Variants in ZFP64 observed in about 807,000 individuals in gnomAD.
ZFP64 encodes the protein ZFP64 zinc finger protein.
A neutral mutation model predicts 51.6 loss-of-function variants in ZFP64; 14 were observed. That is an observed-to-expected ratio of 0.27 (90% CI 0.18 to 0.42). The LOEUF is 0.42. Ranked by LOEUF, ZFP64 falls within the 10% of genes least tolerant of loss-of-function variation. The pLI is 1.00. For missense variants in ZFP64, 754 were observed against 906.8 expected (o/e 0.83, Z 2.16); for synonymous variants, 375 against 361.4 (o/e 1.04, Z -0.43).
chr20:52,171,999 G>A (rs546135696), intron 2 of ZFP64, among the ~76,000 whole-genome samples: 1 of 152,122 alleles, frequency 6.6e-6, no homozygotes, highest in Admixed American at 6.6e-5. Flanking sequence ...TGCCCGCCTC[G>A]GCCTCCCAAA....
At chr20:52,104,923 C>T (rs1978297843) in intron 5 of ZFP64, 2 of 670,002 alleles carry the variant, frequency 3.0e-6, no homozygotes, top group East Asian at 2.7e-5. Context: ...TAGAGGAATC[C>T]AGGCGGGGAA....
At chr20:52,091,978 G>A (rs746971720) in intron 7 of ZFP64, among the ~76,000 whole-genome samples, 56 of 151,872 alleles carry the variant, frequency 3.7e-4, no homozygotes, top group Non-Finnish European at 7.4e-5. Flanking sequence ...CAACAAGAGC[G>A]AAACTCCGTC....
At chr20:52,174,089 G>A (rs932355012) in intron 2 of ZFP64, among the ~76,000 whole-genome samples, 1 of 152,076 alleles carries the variant, frequency 6.6e-6, no homozygotes, top group African/African-American at 2.4e-5. Context: ...TTCCATTACT[G>A]TTCCCCCTGC....
intron 5 of ZFP64, among the ~76,000 whole-genome samples, chr20:52,138,332 A>G (rs1368766155): frequency 6.6e-6 from 1 of 152,162 alleles, no homozygotes; most frequent in African/African-American, 2.4e-5. Flanking sequence ...TAAATAGCAA[A>G]TATTAAATAA....
chr20:52,144,281 A>G (rs1284862070), intron 5 of ZFP64, among the ~76,000 whole-genome samples: 1 of 142,514 alleles, frequency 7.0e-6, no homozygotes, highest in Non-Finnish European at 1.6e-5. Context: ...GGAAAGAAGT[A>G]TTAAAATAAA....
At chr20:52,106,865 G>C (rs1332799228) in intron 5 of ZFP64, among the ~76,000 whole-genome samples, 1 of 152,184 alleles carries the variant, frequency 6.6e-6, no homozygotes, top group African/African-American at 2.4e-5. Flanking sequence ...GGGAGGCCGA[G>C]GTGGGCGGAT....
At chr20:52,154,347 G>A (rs1361063307) in intron 5 of ZFP64, among the ~76,000 whole-genome samples, 1 of 152,148 alleles carries the variant, frequency 6.6e-6, no homozygotes, top group East Asian at 1.9e-4. Flanking sequence ...TTTTAACACA[G>A]TTACACAGAG....
chr20:52,149,054 C>T (rs1332276765), downstream of ZFP64, among the ~76,000 whole-genome samples: 1 of 152,066 alleles, frequency 6.6e-6, no homozygotes, highest in African/African-American at 2.4e-5. Context: ...CATGGTCAAC[C>T]AGCCCTATGC....
chr20:52,100,413 T>C (rs1015154534), intron 5 of ZFP64, among the ~76,000 whole-genome samples: 3 of 152,050 alleles, frequency 2.0e-5, no homozygotes, highest in African/African-American at 7.3e-5. Context: ...GCCTGCCTAA[T>C]TTTTGTATTT....
At chr20:52,168,758 T>G (rs1292627441) in intron 2 of ZFP64, among the ~76,000 whole-genome samples, 1 of 152,226 alleles carries the variant, frequency 6.6e-6, no homozygotes, top group Non-Finnish European at 1.5e-5. Flanking sequence ...GTTACGGTTT[T>G]CAGGCATTTC....
Position 52,143,052 on chromosome 20 carries a change from C to A in ZFP64, c.763+17071G>T, listed in dbSNP as rs1980354817. Among the ~76,000 whole-genome samples, 2 of 142,110 alleles carry A rather than the reference C, an allele frequency of 1.4e-5. 1 individual carries two copies. Among genetic ancestry groups the A allele is most frequent in the African/African-American group, 5.0e-5 (2 of 39,810 alleles). The allele number at this position is 142,110 out of a possible 152,430, so 93.2% of individuals were successfully genotyped here. The stretch of plus-strand genomic sequence containing the variant: ...CATATGATTGTCAGCATTTTTTTAG[C>A]AACATAGTATTTTTAAATTAAAGTA... On this transcript the variant is annotated intron_variant, in intron 5 of 8. Coordinates refer to the ZFP64 transcript ENST00000361387.
At chr20:52,092,739 C>T (rs1320754911) in intron 7 of ZFP64, among the ~76,000 whole-genome samples, 1 of 152,074 alleles carries the variant, frequency 6.6e-6, no homozygotes, top group Admixed American at 6.6e-5. Context: ...AGCTATAATC[C>T]CAGCTACTCA....
intron 3 of ZFP64, chr20:52,165,370 G>A: frequency 2.2e-6 from 1 of 454,942 alleles, no homozygotes; most frequent in Non-Finnish European, 4.4e-6. Flanking sequence ...ACTTTCAAAT[G>A]GTTTGGGGAA....
At chr20:52,110,997 A>G (rs895859780) in intron 5 of ZFP64, 21 of 1,502,862 alleles carry the variant, frequency 1.4e-5, no homozygotes, top group Non-Finnish European at 1.9e-5. Context: ...CCTTGTAGAA[A>G]GTGACCGTAT....
At chr20:52,144,097 G>GAC (rs1333689130) in intron 5 of ZFP64, among the ~76,000 whole-genome samples, 1 of 100,580 alleles carries the variant, frequency 9.9e-6, no homozygotes, top group Non-Finnish European at 2.4e-5. Flanking sequence ...TTAAATACTT[G>GAC]ACGTGTTAAT....
chr20:52,110,939 G>C, intron 5 of ZFP64: 7 of 1,560,838 alleles, frequency 4.5e-6, no homozygotes, highest in Non-Finnish European at 6.2e-6. Flanking sequence ...TCACCGTAGC[G>C]GTACTGGGTG....
chr20:52,084,883 G>A (rs766722647), exon 9 of ZFP64: 2 of 1,613,634 alleles, frequency 1.2e-6, no homozygotes, highest in African/African-American at 1.3e-5. Context: ...TGCTTGGCCA[G>A]GCTGCTGGGC....
downstream of ZFP64, among the ~76,000 whole-genome samples, chr20:52,150,534 C>T (rs1446171277): frequency 6.8e-6 from 1 of 147,754 alleles, no homozygotes; most frequent in African/African-American, 2.5e-5. Context: ...CACTGCAAGC[C>T]TTTTCTGTTT....
intron 5 of ZFP64, among the ~76,000 whole-genome samples, chr20:52,114,444 A>G (rs527489948): frequency 1.3e-5 from 2 of 152,274 alleles, no homozygotes; most frequent in African/African-American, 4.8e-5. Flanking sequence ...ACTTTGATGT[A>G]CAGAGGAATC....
Sources: gnomAD v4.1 joint callset for allele counts (sites outside exome capture counted in the v4.1 genomes callset) on GRCh38, gnomAD v4.1.1 for gene constraint, MANE v1.5 for transcripts, NCBI Gene and HGNC (gene_info 2026-07-23, HGNC 2026-07-21) for gene names.